RTN1: variants seen among roughly 807,000 people sequenced by gnomAD.
RTN1 encodes reticulon 1, also known as reticulon-1.
Under a neutral mutation model 65.5 loss-of-function variants are expected in RTN1, and 25 were observed. The observed-to-expected ratio is 0.38, with a 90% CI of 0.28 to 0.53. The LOEUF is 0.53. RTN1 is among the 20% of genes least tolerant of loss of function. The pLI is 0.79. For missense variants in RTN1, 983 were observed against 1,025.4 expected (o/e 0.96, Z 0.57); for synonymous variants, 471 against 447.6 (o/e 1.05, Z -0.66).
intron 1 of RTN1, among the ~76,000 whole-genome samples, chr14:59,782,338 A>G (rs1260901821): frequency 6.6e-6 from 1 of 152,240 alleles, no homozygotes; most frequent in Non-Finnish European, 1.5e-5. Context: ...TCAACCAGCA[A>G]CACTATCTAA....
intron 3 of RTN1, among the ~76,000 whole-genome samples, chr14:59,715,369 A>G (rs1474172450): frequency 6.6e-6 from 1 of 152,210 alleles, no homozygotes; most frequent in African/African-American, 2.4e-5. Context: ...CCTGAGGAAA[A>G]GATGTCTCCA....
chr14:59,749,228 C>CTATCTATATATATCTA (rs1885315641), intron 1 of RTN1, among the ~76,000 whole-genome samples: 2 of 38,652 alleles, frequency 5.2e-5, no homozygotes, highest in Admixed American at 3.2e-4. Context: ...ATCTATATAT[C>CTATCTATATATATCTA]TATATATATC....
At chr14:59,750,105 A>G (rs1346656984) in intron 1 of RTN1, among the ~76,000 whole-genome samples, 1 of 60,284 alleles carries the variant, frequency 1.7e-5, no homozygotes, top group African/African-American at 1.1e-4. Context: ...TATATATTAT[A>G]TATTATATAT....
chr14:59,619,333 G>A (rs929528620), intron 3 of RTN1, among the ~76,000 whole-genome samples: 1 of 152,144 alleles, frequency 6.6e-6, no homozygotes. Flanking sequence ...TCTAAGCAGG[G>A]CATTCTGACA....
At chr14:59,772,238 T>G (rs1885972827) in intron 1 of RTN1, among the ~76,000 whole-genome samples, 1 of 152,216 alleles carries the variant, frequency 6.6e-6, no homozygotes, top group African/African-American at 2.4e-5. Context: ...TTAATCAACA[T>G]GTTGTTTATA....
chr14:59,650,899 C>T (rs146990866), intron 3 of RTN1, among the ~76,000 whole-genome samples: 109 of 152,258 alleles, frequency 7.2e-4, no homozygotes, highest in African/African-American at 2.6e-3. Flanking sequence ...CCACTCAAGA[C>T]ATAGGCATGG....
chr14:59,869,593 C>A (rs376448089), intron 1 of RTN1, among the ~76,000 whole-genome samples: 995 of 75,944 alleles, frequency 0.013, 22 homozygotes, highest in Non-Finnish European at 0.018. Context: ...GGGGGGGGGG[C>A]GCTTAGACTG....
At chr14:59,639,414 TA>T (rs1882730916) in intron 3 of RTN1, among the ~76,000 whole-genome samples, 4 of 152,180 alleles carry the variant, frequency 2.6e-5, no homozygotes, top group Admixed American at 2.6e-4. Flanking sequence ...ATTTGTGTTT[TA>T]AAAAAAGCAG....
At chr14:59,760,744 G>A (rs1468771694) in intron 1 of RTN1, among the ~76,000 whole-genome samples, 2 of 152,084 alleles carry the variant, frequency 1.3e-5, no homozygotes, top group Non-Finnish European at 2.9e-5. Flanking sequence ...ACTGCACAAC[G>A]TGCTTCACTT....
intron 1 of RTN1, among the ~76,000 whole-genome samples, chr14:59,855,177 G>A (rs1474422285): frequency 6.6e-6 from 1 of 152,186 alleles, no homozygotes; most frequent in African/African-American, 2.4e-5. Flanking sequence ...AAGGGAACAT[G>A]TCGTCTAAAC....
At chr14:59,732,513 C>G (rs1233068318) in intron 2 of RTN1, among the ~76,000 whole-genome samples, 3 of 152,132 alleles carry the variant, frequency 2.0e-5, no homozygotes, top group East Asian at 1.9e-4. Flanking sequence ...CCAAGGGAAC[C>G]CCCCTGCCTC....
intron 1 of RTN1, among the ~76,000 whole-genome samples, chr14:59,802,105 T>C (rs1886557628): frequency 6.6e-6 from 1 of 152,244 alleles, no homozygotes; most frequent in Admixed American, 6.5e-5. Context: ...GTAGAGTTAC[T>C]AATGTTAACT....
intron 1 of RTN1, among the ~76,000 whole-genome samples, chr14:59,858,004 TAC>T (rs1442630459): frequency 6.6e-6 from 1 of 152,184 alleles, no homozygotes; most frequent in East Asian, 1.9e-4. Context: ...TTGGAACCCA[TAC>T]AGTCATGAAA....
chr14:59,607,449 G>C lies in RTN1; in HGVS notation c.1809C>G (p.Ile603Met). 1 of 1,610,318 alleles carries C rather than the reference G, an allele frequency of 6.2e-7. No homozygotes were observed. Among genetic ancestry groups the C allele is most frequent in the Non-Finnish European group, 8.5e-7 (1 of 1,178,078 alleles). The change falls in exon 4 of 9, where the codon ATC becomes ATG. Residue 603 changes from isoleucine to methionine, a missense_variant. Coordinates refer to ENST00000267484, the MANE Select transcript of RTN1 (RefSeq NM_021136.3). The stretch of plus-strand genomic sequence containing the variant: ...GCAGCAGCAGGAAACTCCCAAACAC[G>C]ATGCCCGTCTGCTTGATGTCCCGCC... ...LYWRDIKQTG[I>M]VFGSFLLLLF...
intron 3 of RTN1, chr14:59,610,278 G>A (rs1384140708): frequency 1.6e-6 from 1 of 634,866 alleles, no homozygotes; most frequent in East Asian, 2.8e-5. Flanking sequence ...TTGGTGTAGG[G>A]TCGTCTCTTA....
chr14:59,779,729 C>A (rs1236920747), intron 1 of RTN1, among the ~76,000 whole-genome samples: 3 of 152,236 alleles, frequency 2.0e-5, no homozygotes, highest in East Asian at 3.9e-4. Context: ...GCCTGACCCT[C>A]TTTTAGAGAA....
intron 1 of RTN1, among the ~76,000 whole-genome samples, chr14:59,814,825 C>T (rs747997389): frequency 6.6e-6 from 1 of 152,202 alleles, no homozygotes; most frequent in Non-Finnish European, 1.5e-5. Flanking sequence ...GCCAAATTCT[C>T]TCTGGGATAA....
chr14:59,772,835 T>C (rs1273588081), intron 1 of RTN1, among the ~76,000 whole-genome samples: 1 of 151,934 alleles, frequency 6.6e-6, no homozygotes, highest in African/African-American at 2.4e-5. Flanking sequence ...ATTTTAGAGG[T>C]GGGAAATTTA....
chr14:59,775,132 T>C (rs1377349692), intron 1 of RTN1, among the ~76,000 whole-genome samples: 1 of 152,132 alleles, frequency 6.6e-6, no homozygotes, highest in Non-Finnish European at 1.5e-5. Context: ...AAGTTCCATC[T>C]CTAGACTGAG....
Sources: allele counts gnomAD v4.1 joint callset (sites outside exome capture counted in the v4.1 genomes callset), GRCh38; gene constraint gnomAD v4.1.1; transcripts MANE v1.5; gene names NCBI Gene and HGNC (gene_info 2026-07-23, HGNC 2026-07-21).